GRM5: variants seen among roughly 807,000 people sequenced by gnomAD.
GRM5 encodes the protein glutamate metabotropic receptor 5, also known as metabotropic glutamate receptor 5.
Under a neutral mutation model 83.1 loss-of-function variants are expected in GRM5, and 19 were observed. That is an observed-to-expected ratio of 0.23 (90% CI 0.16 to 0.34). The LOEUF (loss-of-function observed/expected upper bound fraction) is 0.34, where lower values mean the gene tolerates loss of function less well. GRM5 is among the 10% of genes least tolerant of loss of function. The pLI is 1.00. For synonymous variants in GRM5, 675 were observed against 633.6 expected, an observed-to-expected ratio of 1.07 and a Z score of -0.98; for missense variants, 1,160 against 1,588.3, an observed-to-expected ratio of 0.73 and a Z score of 4.58.
chr11:88,541,907 C>T (rs1167211275), intron 8 of GRM5, among the ~76,000 whole-genome samples: 1 of 152,148 alleles, frequency 6.6e-6, no homozygotes, highest in Non-Finnish European at 1.5e-5. Context: ...GAGTTTCCCC[C>T]ATGCTCTTCT....
At chr11:88,593,057 G>A (rs1937682319) in intron 6 of GRM5, among the ~76,000 whole-genome samples, 1 of 151,934 alleles carries the variant, frequency 6.6e-6, no homozygotes, top group African/African-American at 2.4e-5. Context: ...TGAGCTCAAG[G>A]GATTCTCCCA....
chr11:88,611,222 G>C (rs531662270), intron 4 of GRM5, among the ~76,000 whole-genome samples: 1 of 152,198 alleles, frequency 6.6e-6, no homozygotes, highest in South Asian at 2.1e-4. Context: ...GGATGATGCT[G>C]GCTTTGTAGA....
chr11:88,833,155 T>A (rs1489834391), intron 3 of GRM5, among the ~76,000 whole-genome samples: 1 of 151,954 alleles, frequency 6.6e-6, no homozygotes, highest in Non-Finnish European at 1.5e-5. Flanking sequence ...GTGAAGAACA[T>A]AATCAACAGA....
chr11:88,727,151 T>G (rs1316996555), intron 3 of GRM5, among the ~76,000 whole-genome samples: 1 of 152,156 alleles, frequency 6.6e-6, no homozygotes, highest in Non-Finnish European at 1.5e-5. Flanking sequence ...ACCCATCTCA[T>G]GTGCAAAGAC....
chr11:88,766,468 T>TCCATTC (rs1942626539), intron 3 of GRM5, among the ~76,000 whole-genome samples: 1 of 151,888 alleles, frequency 6.6e-6, no homozygotes. Context: ...TGAACTCTAT[T>TCCATTC]CACTTAATGG....
intron 3 of GRM5, among the ~76,000 whole-genome samples, chr11:88,768,001 A>C (rs1441256826): frequency 1.3e-5 from 2 of 151,974 alleles, no homozygotes; most frequent in Non-Finnish European, 2.9e-5. Context: ...TAGAAGTATA[A>C]AACAGTATAG....
chr11:88,883,241 C>T (rs1427489604), intron 2 of GRM5, among the ~76,000 whole-genome samples: 2 of 152,100 alleles, frequency 1.3e-5, no homozygotes, highest in African/African-American at 2.4e-5. Flanking sequence ...CAGAAGAGGA[C>T]AGAAAGATGT....
chr11:89,045,311 A>T (rs1941619598), intron 2 of GRM5, among the ~76,000 whole-genome samples: 1 of 152,144 alleles, frequency 6.6e-6, no homozygotes, highest in African/African-American at 2.4e-5. Flanking sequence ...ATTATGCATA[A>T]AATATTCCAC....
At chr11:88,830,142 A>AT (rs1743836472) in intron 3 of GRM5, among the ~76,000 whole-genome samples, 1 of 152,130 alleles carries the variant, frequency 6.6e-6, no homozygotes, top group African/African-American at 2.4e-5. Flanking sequence ...ATGCACTAGC[A>AT]TAATGTCTAC....
intron 5 of GRM5, among the ~76,000 whole-genome samples, chr11:88,602,578 A>T (rs1938029808): frequency 4.6e-5 from 7 of 152,206 alleles, no homozygotes; most frequent in Admixed American, 3.9e-4. Flanking sequence ...CTTTTGCTCC[A>T]CAAAAATAAC....
chr11:88,694,334 A>G (rs914878912), intron 3 of GRM5, among the ~76,000 whole-genome samples: 21 of 152,120 alleles, frequency 1.4e-4, no homozygotes, highest in Non-Finnish European at 2.4e-4. Flanking sequence ...GCTATTTTAT[A>G]TCAGTACAGG....
At chr11:88,645,358 G>T (rs1172377287) in intron 4 of GRM5, among the ~76,000 whole-genome samples, 1 of 152,072 alleles carries the variant, frequency 6.6e-6, no homozygotes, top group Non-Finnish European at 1.5e-5. Context: ...CCATGAGAGT[G>T]TGAATTCATT....
chr11:89,036,916 T>G (rs1188002423), intron 2 of GRM5, among the ~76,000 whole-genome samples: 1 of 152,168 alleles, frequency 6.6e-6, no homozygotes, highest in Admixed American at 6.5e-5. Context: ...TTACCCATAG[T>G]ATTTGGTCCA....
chr11:88,795,790 A>G (rs1299055037), intron 3 of GRM5, among the ~76,000 whole-genome samples: 1 of 152,196 alleles, frequency 6.6e-6, no homozygotes, highest in Non-Finnish European at 1.5e-5. Flanking sequence ...ATTTTGCCAT[A>G]TTGCTAATGT....
chr11:88,722,785 T>A (rs919909328), intron 3 of GRM5, among the ~76,000 whole-genome samples: 1 of 152,140 alleles, frequency 6.6e-6, no homozygotes, highest in Non-Finnish European at 1.5e-5. Context: ...TACCGCCTCA[T>A]CCCCAGTTTC....
chr11:89,056,544 A>T (rs2135165369), intron 1 of GRM5, among the ~76,000 whole-genome samples: 1 of 152,330 alleles, frequency 6.6e-6, no homozygotes. Context: ...GTCTAAGAAC[A>T]CCAATTTCTT....
Position 88,711,949 on chromosome 11 carries a change from TC to T in GRM5, c.912-58547del, listed in dbSNP as rs145381642. Among the ~76,000 whole-genome samples, 542 of 152,174 alleles carry T rather than the reference TC, an allele frequency of 3.6e-3. 2 individuals are homozygous for T. Among genetic ancestry groups the T allele is most frequent in the African/African-American group, 0.013 (527 of 41,554 alleles). On this transcript the variant is annotated intron_variant, in intron 3 of 9. Coordinates refer to ENST00000305447, the MANE Select transcript of GRM5 (RefSeq NM_001143831.3). ...CTGACCACTCTCCTACACTGTGAATTCCTTTAAGGCAAGCATTATGTCTCGT... is the reference window on the plus strand; with the variant it reads ...CTGACCACTCTCCTACACTGTGAATTCTTTAAGGCAAGCATTATGTCTCGT...
intron 3 of GRM5, among the ~76,000 whole-genome samples, chr11:88,828,441 A>G (rs1943930528): frequency 6.6e-6 from 1 of 152,154 alleles, no homozygotes; most frequent in Non-Finnish European, 1.5e-5. Context: ...ATTTTTCTTT[A>G]AAGTGTTTAC....
At chr11:88,778,351 A>G (rs1402966806) in intron 3 of GRM5, among the ~76,000 whole-genome samples, 3 of 152,190 alleles carry the variant, frequency 2.0e-5, no homozygotes, top group Non-Finnish European at 2.9e-5. Context: ...TTTTCCACAT[A>G]GTCTGTCACG....
Sources: gnomAD v4.1 joint callset for allele counts (sites outside exome capture counted in the v4.1 genomes callset) on GRCh38, gnomAD v4.1.1 for gene constraint, MANE v1.5 for transcripts, NCBI Gene and HGNC (gene_info 2026-07-23, HGNC 2026-07-21) for gene names.